Variants in SPARCL1 observed in about 807,000 individuals in gnomAD.
SPARCL1 encodes the protein SPARC-like protein 1.
Under a neutral mutation model 67.1 loss-of-function variants are expected in SPARCL1, and 52 were observed. That is an observed-to-expected ratio of 0.78 (90% CI 0.62 to 0.98). The LOEUF (loss-of-function observed/expected upper bound fraction) is 0.98, where lower values mean the gene tolerates loss of function less well. Ranked by LOEUF, SPARCL1 falls within the 50% of genes least tolerant of loss-of-function variation. The pLI is 0.00. For synonymous variants in SPARCL1, 226 were observed against 267.8 expected (o/e 0.84, Z 1.52); for missense variants, 717 against 782.4 (o/e 0.92, Z 1.00).
In SPARCL1 at chr4:87,494,453, G is replaced by C. The variant is rs1448057513; in HGVS notation, c.347C>G (p.Thr116Ser). The C allele has an allele frequency of 6.2e-7, 1 of 1,613,968 alleles. No homozygotes were observed. Among genetic ancestry groups the C allele is most frequent in the East Asian group, 2.2e-5 (1 of 44,880 alleles). ...TTCTTTTATGTCCAATGTACCTTCA[G>C]TTGGTGCATACTCCAAATTCACACT... The part of the protein sequence containing the change: ...HLSVNLEYAP[T>S]EGTLDIKEDM... The change falls in exon 4 of 11, where the codon ACT (threonine) becomes AGT (serine). Residue 116 changes from threonine (T) to serine (S), a missense_variant. Coordinates refer to ENST00000282470, the MANE Select transcript of SPARCL1 (RefSeq NM_004684.6).
At position 87,493,645 on chromosome 4, in the gene SPARCL1, C is replaced by A; in HGVS notation, c.1155G>T (p.Glu385Asp). The change falls in exon 4 of 11, where the codon GAG (glutamate) becomes GAT (aspartate). Residue 385 changes from glutamate (E) to aspartate (D), a missense_variant. Physicochemically the swap from Glu to Asp is conservative, Grantham distance 45 (BLOSUM62 2). Transcript: ENST00000282470. The stretch of plus-strand genomic sequence containing the variant: ...CATTTTCATGTACTTTTTCTCTTTG[C>A]TCCTCAATTTTGAGGTGATAGGCAA... ...QSIAYHLKIE[E>D]QREKVHENEN... 1 of 1,613,910 alleles carries A rather than the reference C, an allele frequency of 6.2e-7. No individual in the cohort carries two copies. The highest frequency in any genetic ancestry group is 8.5e-7 in the Non-Finnish European group (1 of 1,179,940).
At chr4:87,497,630 TC>T (rs1289593894) in intron 2 of SPARCL1, among the ~76,000 whole-genome samples, 1 of 152,250 alleles carries the variant, frequency 6.6e-6, no homozygotes, top group Non-Finnish European at 1.5e-5. Flanking sequence ...TTTTAATAGG[TC>T]ATTTCTATGA....
At chr4:87,477,616 G>A (rs1264779044) in intron 10 of SPARCL1, among the ~76,000 whole-genome samples, 1 of 152,100 alleles carries the variant, frequency 6.6e-6, no homozygotes, top group Non-Finnish European at 1.5e-5. Context: ...GGGCAGCCCT[G>A]TAGACCAGAG....
intron 1 of SPARCL1, among the ~76,000 whole-genome samples, chr4:87,507,275 CTTTT>C (rs974597057): frequency 6.6e-6 from 1 of 152,150 alleles, no homozygotes; most frequent in African/African-American, 2.4e-5. Flanking sequence ...AGGCTCATTT[CTTTT>C]TGTTTGTTGC....
rs1723433787 is a variant in SPARCL1 at position 87,473,558 on chromosome 4, T to G, written c.*217A>C. On this transcript the variant is annotated 3_prime_UTR_variant, in exon 11 of 11. Transcript: ENST00000282470. ...CTTCTGTTCACAATGTACAGTATTT[T>G]GCATATGTTGACTTTACTTAATTGT... The G allele has an allele frequency of 1.8e-5, 8 of 437,088 alleles. No individual in the cohort carries two copies. Among genetic ancestry groups the G allele is most frequent in the Middle Eastern group, 5.8e-4 (1 of 1,720 alleles). 27.1% of individuals were successfully genotyped at this position (437,088 alleles called of 1,614,324 possible).
intron 1 of SPARCL1, among the ~76,000 whole-genome samples, chr4:87,526,154 T>C (rs1726032455): frequency 6.6e-6 from 1 of 152,312 alleles, no homozygotes. Flanking sequence ...CAAGCTGGCA[T>C]AGAACACTTT....
At chr4:87,501,511 T>A (rs1474072922) in intron 1 of SPARCL1, among the ~76,000 whole-genome samples, 4 of 152,144 alleles carry the variant, frequency 2.6e-5, no homozygotes, top group African/African-American at 9.7e-5. Context: ...TGGAGTATTT[T>A]TTTCTCAGAA....
chr4:87,523,585 TTGA>T (rs1381332358), intron 1 of SPARCL1, among the ~76,000 whole-genome samples: 7 of 152,198 alleles, frequency 4.6e-5, no homozygotes, highest in African/African-American at 1.7e-4. Context: ...TGCAGAAGGA[TTGA>T]TGATGTGCTC....
At chr4:87,512,283 T>C (rs77605332) in intron 1 of SPARCL1, among the ~76,000 whole-genome samples, 8,321 of 152,172 alleles carry the variant, frequency 0.055, 730 homozygotes, top group African/African-American at 0.19. Context: ...ATTTCCCTTC[T>C]GTGCTGAAGG....
Position 87,479,552 on chromosome 4 carries a change from G to T in SPARCL1, c.1844C>A (p.Pro615His). The change falls in exon 10 of 11, where the codon CCT becomes CAT. Residue 615 changes from proline to histidine, a missense_variant. By Grantham distance (77) the Pro-to-His change is moderately conservative (BLOSUM62 -2). Transcript: ENST00000282470. ...DRVLTHSELA[P>H]LRASLVPMEH... ...CATGGGCACCAGAGATGCTCGCAGA[G>T]GAGCAAGTTCAGAATGTGTCAAGAC... 6.2e-7 allele frequency: 1 copy of T among 1,614,106 alleles called. No individual in the cohort carries two copies. The highest frequency in any genetic ancestry group is 8.5e-7 in the Non-Finnish European group (1 of 1,179,970).
At chr4:87,481,110 C>T (rs929507075) in intron 8 of SPARCL1, among the ~76,000 whole-genome samples, 1 of 152,190 alleles carries the variant, frequency 6.6e-6, no homozygotes, top group Non-Finnish European at 1.5e-5. Context: ...GTGAAACTCT[C>T]AGCTTGTGAT....
chr4:87,508,847 GTATA>G (rs1370629290), intron 1 of SPARCL1, among the ~76,000 whole-genome samples: 3 of 137,068 alleles, frequency 2.2e-5, no homozygotes, highest in Admixed American at 7.5e-5. Context: ...ATGTAGATAC[GTATA>G]TAGATAAATA....
At chr4:87,482,293 T>G (rs762596810) in intron 8 of SPARCL1, 131 bp downstream of exon 8, 24 of 908,144 alleles carry the variant, frequency 2.6e-5, no homozygotes, top group Non-Finnish European at 3.8e-5. Context: ...TTAAGCCACA[T>G]GGGCTAACCG....
At chr4:87,480,344 T>C (rs202032213) in intron 9 of SPARCL1, 28 bp downstream of exon 9, 1 of 1,530,148 alleles carries the variant, frequency 6.5e-7, no homozygotes, top group Non-Finnish European at 8.8e-7. Flanking sequence ...GAGATAAATC[T>C]AGAAATGGAA....
chr4:87,516,621 C>T (rs987945717), intron 1 of SPARCL1, among the ~76,000 whole-genome samples: 1 of 152,134 alleles, frequency 6.6e-6, no homozygotes, highest in African/African-American at 2.4e-5. Flanking sequence ...GTGAGTGCTT[C>T]CTGACCATCC....
chr4:87,484,664 T>C (rs1291003425), intron 7 of SPARCL1, among the ~76,000 whole-genome samples: 1 of 152,140 alleles, frequency 6.6e-6, no homozygotes, highest in Non-Finnish European at 1.5e-5. Context: ...TATAAATTAC[T>C]TTGGGCAGTA....
chr4:87,501,634 T>C (rs1192603557), intron 1 of SPARCL1, among the ~76,000 whole-genome samples: 1 of 152,116 alleles, frequency 6.6e-6, no homozygotes, highest in African/African-American at 2.4e-5. Flanking sequence ...TTCTTCTTTA[T>C]GGATGCTTTT....
rs184011672 is a variant in SPARCL1, at chr4:87,521,917, G to T, written c.-12+7128C>A. Among the ~76,000 whole-genome samples the T allele has an allele frequency of 2.3e-3, 351 of 152,246 alleles. 1 individual carries two copies. The highest frequency in any genetic ancestry group is 8.2e-3 in the African/African-American group (341 of 41,536). On this transcript the variant is annotated intron_variant, in intron 1 of 10. Coordinates refer to ENST00000282470, the MANE Select transcript of SPARCL1 (RefSeq NM_004684.6). ...ACAACTATGGAAAAATTTCCTTTCT[G>T]GGAAATGTAGTAAACAAAACAATTA...
Position 87,479,548 on chromosome 4 carries a change from CA to C in SPARCL1, c.1847del (p.Leu616ArgfsTer12). ...GTTCCATGGGCACCAGAGATGCTCG[CA>C]GAGGAGCAAGTTCAGAATGTGTCAA... ...RVLTHSELAPLRASLVPMEHC... is the reference protein window; with the variant it reads ...RVLTHSELAPXRASLVPMEHC... On this transcript the variant is annotated frameshift_variant, in exon 10 of 11. Coordinates refer to ENST00000282470, the MANE Select transcript of SPARCL1 (RefSeq NM_004684.6). LOFTEE classifies it high-confidence loss of function. 4 of 1,614,076 alleles carry C rather than the reference CA, an allele frequency of 2.5e-6. No homozygotes were observed. Among genetic ancestry groups the C allele is most frequent in the Non-Finnish European group, 2.5e-6 (3 of 1,179,976 alleles).
Sources: gnomAD v4.1 joint callset for allele counts (sites outside exome capture counted in the v4.1 genomes callset) on GRCh38, gnomAD v4.1.1 for gene constraint, MANE v1.5 for transcripts, NCBI Gene and HGNC (gene_info 2026-07-23, HGNC 2026-07-21) for gene names.